The following IL1RAPL2 variants were observed in gnomAD, a reference collection of about 807,000 sequenced individuals.
IL1RAPL2 encodes X-linked interleukin-1 receptor accessory protein-like 2.
IL1RAPL2 carries 3 observed loss-of-function variants against 44.1 expected under a neutral mutation model. The observed-to-expected ratio is 0.07, with a 90% CI of 0.03 to 0.18. The LOEUF (loss-of-function observed/expected upper bound fraction) is 0.18, where lower values mean the gene tolerates loss of function less well. IL1RAPL2 is among the 10% of genes least tolerant of loss of function. The pLI is 1.00. For synonymous variants in IL1RAPL2, 181 were observed against 178.8 expected, an observed-to-expected ratio of 1.01 and a Z score of -0.10; for missense variants, 391 against 496.4, an observed-to-expected ratio of 0.79 and a Z score of 2.02.
chrX:105,554,678 T>C (rs1347387911), intron 6 of IL1RAPL2, among the ~76,000 whole-genome samples: 1 of 111,718 alleles, frequency 9.0e-6, no homozygotes, highest in Non-Finnish European at 1.9e-5. Context: ...TTAAAGTTCA[T>C]TGTTCTCTTC....
chrX:104,917,371 G>A lies in IL1RAPL2; in HGVS notation c.82+258376G>A, dbSNP rs375901590. Among the ~76,000 whole-genome samples, 17 of 112,036 alleles carry A rather than the reference G, an allele frequency of 1.5e-4. No individual in the cohort carries two copies. The East Asian group carries it at 4.5e-3, about 30-fold the overall frequency. On this transcript the variant is annotated intron_variant, in intron 2 of 10. Coordinates refer to ENST00000372582, the MANE Select transcript of IL1RAPL2 (RefSeq NM_017416.2). Reference sequence around the variant, plus strand: ...CTCATTAGATTTCTGATGTTATAATGTTCAAAAAGAGCAAACTAACTTTGC... The same window carrying A: ...CTCATTAGATTTCTGATGTTATAATATTCAAAAAGAGCAAACTAACTTTGC...
intron 2 of IL1RAPL2, among the ~76,000 whole-genome samples, chrX:104,742,312 G>A (rs1318068333): frequency 8.9e-6 from 1 of 111,746 alleles, no homozygotes; most frequent in Non-Finnish European, 1.9e-5. Context: ...GGTATATTCT[G>A]AAAGTGAGTA....
intron 5 of IL1RAPL2, chrX:105,405,751 A>G: frequency 3.0e-6 from 3 of 989,066 alleles, no homozygotes; most frequent in Non-Finnish European, 4.3e-6. Context: ...TCCTACTTCA[A>G]CACTCAGCAT....
At chrX:105,218,997 A>G (rs2033901556) in intron 3 of IL1RAPL2, 1 of 1,209,204 alleles carries the variant, frequency 8.3e-7, no homozygotes, top group Non-Finnish European at 1.1e-6. Context: ...TTCCCTTCCC[A>G]CAGTCGAAGC....
At chrX:104,993,214 G>A (rs1416572097) in intron 2 of IL1RAPL2, among the ~76,000 whole-genome samples, 1 of 111,353 alleles carries the variant, frequency 9.0e-6, no homozygotes, top group Non-Finnish European at 1.9e-5. Context: ...TTATAGGTTA[G>A]GCATCTTTAT....
chrX:104,682,815 C>G (rs190658482), intron 2 of IL1RAPL2, among the ~76,000 whole-genome samples: 1 of 111,985 alleles, frequency 8.9e-6, no homozygotes, highest in Admixed American at 9.5e-5. Context: ...TATGAGCATT[C>G]TGATTGTTGC....
At chrX:105,037,228 A>G (rs1403642970) in intron 2 of IL1RAPL2, among the ~76,000 whole-genome samples, 1 of 111,850 alleles carries the variant, frequency 8.9e-6, no homozygotes, top group East Asian at 2.8e-4. Context: ...TAAAGGAGAA[A>G]TGATGGAGAA....
At chrX:104,569,257 T>C (rs144516514) in intron 1 of IL1RAPL2, among the ~76,000 whole-genome samples, 4,280 of 112,071 alleles carry the variant, frequency 0.038, 92 homozygotes, top group Non-Finnish European at 0.06. Context: ...CAATTGGCCA[T>C]TTTTAGTTTC....
chrX:104,582,773 TTC>T lies in IL1RAPL2; in HGVS notation c.-20+15732_-20+15733del, dbSNP rs772995203. On this transcript the variant is annotated intron_variant, in intron 1 of 10. Coordinates refer to ENST00000372582, the MANE Select transcript of IL1RAPL2 (RefSeq NM_017416.2). The stretch of plus-strand genomic sequence containing the variant: ...CCTTCTTTCTTTCTTTCTTTTTTCT[TTC>T]TCTCTCTCTTTCTTTCTTTCCCTCT... Among the ~76,000 whole-genome samples, 531 of 99,843 alleles carry T rather than the reference TTC, an allele frequency of 5.3e-3. 11 individuals carry two copies. Among genetic ancestry groups the T allele is most frequent in the African/African-American group, 0.019 (505 of 26,304 alleles). 86.7% of individuals were successfully genotyped at this position (99,843 alleles called of 115,157 possible).
chrX:105,504,014 G>C (rs2036414045), intron 6 of IL1RAPL2, among the ~76,000 whole-genome samples: 1 of 111,800 alleles, frequency 8.9e-6, no homozygotes, highest in Admixed American at 9.5e-5. Context: ...GGTATCTGGA[G>C]TTTAGGTACA....
chrX:104,909,306 A>C (rs1041050766), intron 2 of IL1RAPL2, among the ~76,000 whole-genome samples: 2 of 111,699 alleles, frequency 1.8e-5, no homozygotes, highest in African/African-American at 6.5e-5. Context: ...CCCGTAGCTC[A>C]GAGTAATTTG....
At chrX:105,018,554 A>G (rs1471229909) in intron 2 of IL1RAPL2, among the ~76,000 whole-genome samples, 1 of 111,622 alleles carries the variant, frequency 9.0e-6, no homozygotes, top group African/African-American at 3.2e-5. Context: ...AAACCAAACT[A>G]TGCTTATTCC....
intron 2 of IL1RAPL2, among the ~76,000 whole-genome samples, chrX:105,182,256 T>A (rs993759981): frequency 9.0e-6 from 1 of 110,854 alleles, no homozygotes; most frequent in African/African-American, 3.3e-5. Context: ...CATTCTTATA[T>A]AGGAGTCTAT....
At chrX:104,587,363 G>C (rs1262984481) in intron 1 of IL1RAPL2, among the ~76,000 whole-genome samples, 2 of 111,904 alleles carry the variant, frequency 1.8e-5, no homozygotes, top group Non-Finnish European at 3.8e-5. Context: ...AGTAGTCCTG[G>C]AACTGTGGCA....
At chrX:105,216,909 A>G (rs1224823169) in intron 3 of IL1RAPL2, among the ~76,000 whole-genome samples, 2 of 111,863 alleles carry the variant, frequency 1.8e-5, no homozygotes, top group Non-Finnish European at 3.8e-5. Flanking sequence ...TATGCAGAAA[A>G]CTGAAACTGG....
intron 2 of IL1RAPL2, among the ~76,000 whole-genome samples, chrX:104,838,133 TGTA>T (rs1235804028): frequency 1.8e-5 from 2 of 111,890 alleles, no homozygotes; most frequent in Non-Finnish European, 3.8e-5. Context: ...ACTGTAGCCT[TGTA>T]GTATAGCTTG....
intron 2 of IL1RAPL2, among the ~76,000 whole-genome samples, chrX:104,672,558 C>T (rs1361545670): frequency 1.9e-5 from 2 of 102,934 alleles, no homozygotes; most frequent in African/African-American, 3.6e-5. Context: ...AATAAACATA[C>T]GTGTGCATGT....
At chrX:105,219,267 G>A (rs1556173584) in intron 3 of IL1RAPL2, 4 of 1,211,038 alleles carry the variant, frequency 3.3e-6, no homozygotes, top group Non-Finnish European at 4.5e-6. Context: ...CTGAGAAGGA[G>A]GAAAAAGGGC....
intron 2 of IL1RAPL2, among the ~76,000 whole-genome samples, chrX:104,910,998 T>G (rs1401599544): frequency 1.8e-5 from 2 of 112,072 alleles, no homozygotes; most frequent in Non-Finnish European, 3.8e-5. Flanking sequence ...AAGAGATTAA[T>G]ATGAAGCAAC....
Sources: gnomAD v4.1 joint callset for allele counts (sites outside exome capture counted in the v4.1 genomes callset) on GRCh38, gnomAD v4.1.1 for gene constraint, MANE v1.5 for transcripts, NCBI Gene and HGNC (gene_info 2026-07-23, HGNC 2026-07-21) for gene names.